NCALD: variants seen among roughly 807,000 people sequenced by gnomAD.
NCALD encodes neurocalcin delta.
Under a neutral mutation model 18.6 loss-of-function variants are expected in NCALD, and 10 were observed. That is an observed-to-expected ratio of 0.54 (90% CI 0.33 to 0.91). NCALD has a LOEUF of 0.91. Ranked by LOEUF, NCALD falls within the 40% of genes least tolerant of loss-of-function variation. NCALD has a pLI of 0.03. For synonymous variants in NCALD, 88 were observed against 87.4 expected, an observed-to-expected ratio of 1.01 and a Z score of -0.04; for missense variants, 184 against 247.6, an observed-to-expected ratio of 0.74 and a Z score of 1.72.
At chr8:101,898,570 T>C (rs984671846) in intron 3 of NCALD, among the ~76,000 whole-genome samples, 2 of 152,172 alleles carry the variant, frequency 1.3e-5, no homozygotes, top group African/African-American at 4.8e-5. Flanking sequence ...TGATATCATG[T>C]TTAGGAACTC....
intron 1 of NCALD, among the ~76,000 whole-genome samples, chr8:102,042,233 C>T (rs970640467): frequency 3.9e-5 from 6 of 151,904 alleles, no homozygotes; most frequent in Non-Finnish European, 8.8e-5. Context: ...AGACAGAGAC[C>T]TCTCAGCCAC....
At chr8:101,737,391 G>A (rs1809970506) in intron 1 of NCALD, among the ~76,000 whole-genome samples, 1 of 152,130 alleles carries the variant, frequency 6.6e-6, no homozygotes, top group Non-Finnish European at 1.5e-5. Flanking sequence ...AATATTAACT[G>A]CTCAGCCTCT....
Position 101,992,730 on chromosome 8 carries a change from C to T in NCALD, c.-157+27507G>A, listed in dbSNP as rs114539507. On this transcript the variant is annotated intron_variant, in intron 2 of 6. Transcript: ENST00000311028. The stretch of plus-strand genomic sequence containing the variant: ...CACAACTCCAGAGTCACATTCACAT[C>T]GTTGTCCATGTGAAAGGCACCCCTG... 2.8e-4 allele frequency among the ~76,000 whole-genome samples: 43 copies of T among 152,194 alleles called. 1 individual carries two copies. The highest frequency in any genetic ancestry group is 8.4e-4 in the African/African-American group (35 of 41,508).
intron 3 of NCALD, chr8:101,691,968 A>G (rs1814749497): frequency 3.0e-6 from 3 of 985,408 alleles, no homozygotes; most frequent in Non-Finnish European, 3.6e-6. Flanking sequence ...CAAGTATAAC[A>G]TTTAAATAGG....
intron 1 of NCALD, among the ~76,000 whole-genome samples, chr8:101,789,262 TA>T (rs1262091102): frequency 6.6e-6 from 1 of 152,206 alleles, no homozygotes; most frequent in African/African-American, 2.4e-5. Context: ...ATCATTTTTC[TA>T]GGGGTGTTAA....
rs576852351 is a variant in NCALD at position 101,839,206 on chromosome 8, T to G, written c.-20+47935A>C. On this transcript the variant is annotated intron_variant, in intron 4 of 6. Transcript: ENST00000311028. The stretch of plus-strand genomic sequence containing the variant: ...CTGGAATTCCACACCCGACCTGTGA[T>G]GGTAGTGGTGTGCAGGAAGTGTTGT... Among the ~76,000 whole-genome samples the G allele has an allele frequency of 2.6e-4, 39 of 151,906 alleles. 1 individual carries two copies. In the South Asian group the frequency reaches 8.1e-3, roughly 32 times the overall value.
chr8:101,764,309 C>T (rs988446419), intron 1 of NCALD, among the ~76,000 whole-genome samples: 4 of 151,950 alleles, frequency 2.6e-5, no homozygotes, highest in Admixed American at 6.6e-5. Context: ...GAGCAGCTGT[C>T]GAGATAGGAG....
chr8:102,066,776 T>C (rs1189068133), intron 1 of NCALD, among the ~76,000 whole-genome samples: 1 of 152,204 alleles, frequency 6.6e-6, no homozygotes, highest in African/African-American at 2.4e-5. Flanking sequence ...TTATGTTAAA[T>C]CAAAATATTG....
chr8:101,781,154 T>C (rs1811997067), intron 1 of NCALD, among the ~76,000 whole-genome samples: 1 of 147,866 alleles, frequency 6.8e-6, no homozygotes, highest in African/African-American at 2.5e-5. Flanking sequence ...ATAGCTTCTA[T>C]TTTGTGAAAT....
At position 101,872,511 on chromosome 8, in the gene NCALD, G is replaced by T; in HGVS notation, c.-20+14630C>A. ...TGGGTAAGATGCCCTTCTTGTCTAA[G>T]ATGTCATTCCACTCAGTGTCTGTGT... is the stretch of plus-strand genomic sequence containing the variant. On this transcript the variant is annotated intron_variant, in intron 4 of 6. Coordinates refer to the NCALD transcript ENST00000311028. 6 of 738,278 alleles carry T rather than the reference G, an allele frequency of 8.1e-6. No homozygotes were observed. In the South Asian group the frequency reaches 8.7e-5, roughly 11 times the overall value. 45.7% of individuals were successfully genotyped at this position (738,278 alleles called of 1,614,324 possible).
chr8:102,102,426 G>T (rs1239077374), intron 1 of NCALD, among the ~76,000 whole-genome samples: 1 of 152,180 alleles, frequency 6.6e-6, no homozygotes, highest in Non-Finnish European at 1.5e-5. Flanking sequence ...ACCCTTGCTG[G>T]GGGTCCCCTT....
At chr8:102,109,606 T>A (rs993846688) in intron 1 of NCALD, among the ~76,000 whole-genome samples, 1 of 152,174 alleles carries the variant, frequency 6.6e-6, no homozygotes. Flanking sequence ...TATACTAATA[T>A]TTGGGGAAAT....
Position 101,719,359 on chromosome 8 carries a change from C to T in NCALD, c.271G>A (p.Val91Ile). ...DFREFIIALS[V>I]TSRGKLEQKL... is the part of the protein sequence containing the mutation. ...TGCTCCAGCTTCCCCCTCGAAGTTA[C>T]ACTCAAGGCGATGATGAATTCTCTA... Residue 91 changes from valine to isoleucine, a missense_variant, in exon 2 of 4, where the codon GTA (valine) becomes ATA (isoleucine). Transcript: ENST00000220931. 1 of 1,614,240 alleles carries T rather than the reference C, an allele frequency of 6.2e-7. No homozygotes were observed. Among genetic ancestry groups the T allele is most frequent in the Non-Finnish European group, 8.5e-7 (1 of 1,180,036 alleles).
intron 2 of NCALD, among the ~76,000 whole-genome samples, chr8:101,936,606 T>G (rs754237302): frequency 6.6e-6 from 1 of 152,216 alleles, no homozygotes; most frequent in Admixed American, 6.5e-5. Flanking sequence ...CCTATTAGAT[T>G]TGCTAATATA....
At chr8:102,037,103 A>G (rs1309686607) in intron 1 of NCALD, among the ~76,000 whole-genome samples, 3 of 152,202 alleles carry the variant, frequency 2.0e-5, no homozygotes, top group Non-Finnish European at 4.4e-5. Context: ...CCCTCAGAAG[A>G]TAGAATTGTA....
chr8:101,692,781 C>A lies in NCALD; in HGVS notation c.484+10G>T. ...CATCTGAGCAAAGCAGTGTAGCCCCCGCCTCCTACCGTCTCTATTGGTGTC... is the reference window on the plus strand; with the variant it reads ...CATCTGAGCAAAGCAGTGTAGCCCCAGCCTCCTACCGTCTCTATTGGTGTC... On this transcript the variant is annotated intron_variant, in intron 3 of 3. Coordinates refer to ENST00000220931, the MANE Select transcript of NCALD (RefSeq NM_032041.3). The A allele has an allele frequency of 1.2e-6, 2 of 1,606,224 alleles. No individual in the cohort carries two copies. Among genetic ancestry groups the A allele is most frequent in the South Asian group, 1.1e-5 (1 of 90,900 alleles).
At chr8:101,792,155 C>G (rs1171498254), upstream of NCALD, among the ~76,000 whole-genome samples, 2 of 152,050 alleles carry the variant, frequency 1.3e-5, no homozygotes, top group Non-Finnish European at 2.9e-5. Flanking sequence ...AGGCTTATAA[C>G]GACTTCTATT....
intron 1 of NCALD, among the ~76,000 whole-genome samples, chr8:102,078,947 T>C (rs770149381): frequency 6.6e-6 from 1 of 152,188 alleles, no homozygotes; most frequent in Non-Finnish European, 1.5e-5. Context: ...AATGAAGGAA[T>C]ATGAGTCTTA....
rs556192804 is a variant in NCALD, at chr8:101,703,282, G to A, written c.379-10386C>T. Among the ~76,000 whole-genome samples, 8 of 152,052 alleles carry A rather than the reference G, an allele frequency of 5.3e-5. No individual in the cohort carries two copies. The South Asian group carries it at 1.5e-3, about 28-fold the overall frequency. ...TGTCTTATTCATCTTTGTATGTTTT[G>A]GAGTCTAACACTTACTTTATTCAAC... On this transcript the variant is annotated intron_variant, in intron 2 of 3. Coordinates refer to ENST00000220931, the MANE Select transcript of NCALD (RefSeq NM_032041.3).
Sources: gnomAD v4.1 joint callset for allele counts (sites outside exome capture counted in the v4.1 genomes callset) on GRCh38, gnomAD v4.1.1 for gene constraint, MANE v1.5 for transcripts, NCBI Gene and HGNC (gene_info 2026-07-23, HGNC 2026-07-21) for gene names.